MYRIP: variants seen among roughly 807,000 people sequenced by gnomAD.
MYRIP encodes myosin VIIA and Rab interacting protein.
Under a neutral mutation model 98.0 loss-of-function variants are expected in MYRIP, and 49 were observed. That is an observed-to-expected ratio of 0.50 (90% CI 0.40 to 0.63). The LOEUF is 0.63. Ranked by LOEUF, MYRIP falls within the 30% of genes least tolerant of loss-of-function variation. The pLI is 0.00. For missense variants in MYRIP, 1,004 were observed against 1,058.2 expected (o/e 0.95, Z 0.71); for synonymous variants, 404 against 409.5 (o/e 0.99, Z 0.16).
chr3:40,216,489 G>A lies in MYRIP; in HGVS notation c.1905+6396G>A, dbSNP rs751599726. ...ATGTACACCCGTTTCTCCTATAAAC[G>A]GAAATGCCAAAATCCTAAAGAAAAT... On this transcript the variant is annotated intron_variant, in intron 11 of 16. Transcript: ENST00000302541. Among the ~76,000 whole-genome samples the A allele has an allele frequency of 2.6e-5, 4 of 152,058 alleles. No individual in the cohort carries two copies. In the East Asian group the frequency reaches 7.7e-4, roughly 29 times the overall value.
intron 3 of MYRIP, among the ~76,000 whole-genome samples, chr3:40,045,607 C>T (rs2125833718): frequency 6.6e-6 from 1 of 152,258 alleles, no homozygotes; most frequent in East Asian, 1.9e-4. Flanking sequence ...GATTACGTGA[C>T]TTGAATATTG....
At chr3:39,963,877 T>A (rs1468049623) in intron 2 of MYRIP, among the ~76,000 whole-genome samples, 1 of 152,176 alleles carries the variant, frequency 6.6e-6, no homozygotes, top group African/African-American at 2.4e-5. Context: ...TTTGCAAAGA[T>A]CAGCTAAGTT....
At chr3:39,877,387 A>T (rs1943029230) in intron 1 of MYRIP, among the ~76,000 whole-genome samples, 1 of 152,052 alleles carries the variant, frequency 6.6e-6, no homozygotes, top group South Asian at 2.1e-4. Flanking sequence ...GCTGGTGAGG[A>T]ACTGCGTTCC....
rs532479794 is a variant in MYRIP at position 39,907,141 on chromosome 3, A to T, written c.110+6215A>T. Among the ~76,000 whole-genome samples, 48 of 152,292 alleles carry T rather than the reference A, an allele frequency of 3.2e-4. 1 individual carries two copies. The highest frequency in any genetic ancestry group is 1.1e-3 in the African/African-American group (47 of 41,552). On this transcript the variant is annotated intron_variant, in intron 2 of 16. Transcript: ENST00000302541. ...GTGTTGGGCATTTGGTTTAGTGTTC[A>T]TCATCAAAGGCCATGTTCCCTCCTC...
At chr3:40,010,627 C>A (rs1362653224) in intron 2 of MYRIP, among the ~76,000 whole-genome samples, 1 of 152,146 alleles carries the variant, frequency 6.6e-6, no homozygotes, top group South Asian at 2.1e-4. Flanking sequence ...CATGGCCCAC[C>A]TCATTCCAGG....
chr3:40,155,343 A>C (rs1283323737), intron 4 of MYRIP, among the ~76,000 whole-genome samples: 2 of 150,552 alleles, frequency 1.3e-5, no homozygotes, highest in African/African-American at 2.4e-5. Context: ...ATGGCTGCAT[A>C]GTATTCCATG....
intron 3 of MYRIP, among the ~76,000 whole-genome samples, chr3:40,067,074 T>C (rs1042848025): frequency 6.6e-6 from 1 of 152,210 alleles, no homozygotes; most frequent in Admixed American, 6.5e-5. Flanking sequence ...CATAAACCTA[T>C]AATGACTTTT....
chr3:40,077,879 G>C (rs570005567), intron 3 of MYRIP, among the ~76,000 whole-genome samples: 4 of 152,348 alleles, frequency 2.6e-5, no homozygotes, highest in Non-Finnish European at 5.9e-5. Context: ...TGCAGGTGGG[G>C]CTGCAGGTGG....
chr3:39,991,152 A>T (rs12637481), intron 2 of MYRIP, among the ~76,000 whole-genome samples: 15,193 of 152,238 alleles, frequency 0.1, 1,303 homozygotes, highest in African/African-American at 0.23. Context: ...GTATAATAAA[A>T]TAAATAAATA....
intron 2 of MYRIP, among the ~76,000 whole-genome samples, chr3:40,028,134 G>A (rs1947178073): frequency 1.3e-5 from 2 of 152,130 alleles, no homozygotes; most frequent in Admixed American, 6.5e-5. Context: ...CATTGAGCCT[G>A]TGTGTGTCCT....
At chr3:39,925,118 A>G (rs1301083969) in intron 2 of MYRIP, among the ~76,000 whole-genome samples, 1 of 151,728 alleles carries the variant, frequency 6.6e-6, no homozygotes, top group Non-Finnish European at 1.5e-5. Context: ...AACTGAGATC[A>G]TTTAGGTTGT....
chr3:40,070,335 C>T (rs1264585988), intron 3 of MYRIP, among the ~76,000 whole-genome samples: 1 of 152,138 alleles, frequency 6.6e-6, no homozygotes, highest in Non-Finnish European at 1.5e-5. Context: ...AAAAGCGTAA[C>T]TCCACAAGAG....
chr3:40,034,592 T>C (rs1290514660), intron 2 of MYRIP, among the ~76,000 whole-genome samples: 1 of 150,274 alleles, frequency 6.7e-6, no homozygotes, highest in Non-Finnish European at 1.5e-5. Context: ...GGAGAGGATG[T>C]GGAGAAATAG....
chr3:39,984,357 C>G (rs1945975316), intron 2 of MYRIP, among the ~76,000 whole-genome samples: 1 of 152,064 alleles, frequency 6.6e-6, no homozygotes. Flanking sequence ...GGTATATCTC[C>G]CAATGCTGTC....
intron 3 of MYRIP, among the ~76,000 whole-genome samples, chr3:40,143,469 CCT>C (rs1036284933): frequency 8.5e-5 from 13 of 152,078 alleles, no homozygotes; most frequent in Admixed American, 2.6e-4. Flanking sequence ...GTGAGTTTCC[CCT>C]GAGTCATAAG....
intron 2 of MYRIP, among the ~76,000 whole-genome samples, chr3:39,980,600 T>G (rs573284720): frequency 1.2e-4 from 18 of 152,236 alleles, no homozygotes; most frequent in Non-Finnish European, 2.2e-4. Context: ...CAGGGGGATC[T>G]GGTGCCTGCT....
At position 40,151,086 on chromosome 3, in the gene MYRIP, A is replaced by G. The variant is rs1950107892; in HGVS notation, c.371A>G (p.Asn124Ser). Residue 124 changes from asparagine (N) to serine (S), a missense_variant, in exon 4 of 17, where the codon AAT becomes AGT. This residue lies in a region of MYRIP where 880 missense variants were observed against 907.7 expected (regional missense o/e 0.97). Coordinates refer to ENST00000302541, the MANE Select transcript of MYRIP (RefSeq NM_015460.4). ...CAATCTCTGGAATGGTTCTACAATA[A>G]TGTGAAGAGCCGCTTCAAGCGCTTT... ...RAQSLEWFYN[N>S]VKSRFKRFGS... 6.2e-7 allele frequency: 1 copy of G among 1,609,126 alleles called. No homozygotes were observed. Among genetic ancestry groups the G allele is most frequent in the African/African-American group, 1.3e-5 (1 of 74,826 alleles).
At chr3:39,973,026 T>C (rs1945635171) in intron 2 of MYRIP, among the ~76,000 whole-genome samples, 1 of 152,062 alleles carries the variant, frequency 6.6e-6, no homozygotes, top group South Asian at 2.1e-4. Context: ...TTCATATTGA[T>C]TTTTAAAAGA....
chr3:40,116,081 C>A (rs956530953), intron 3 of MYRIP, among the ~76,000 whole-genome samples: 1 of 152,188 alleles, frequency 6.6e-6, no homozygotes, highest in African/African-American at 2.4e-5. Flanking sequence ...TAGAAGCCAG[C>A]TGCAGTGCTC....
Sources: gnomAD v4.1 joint callset for allele counts (sites outside exome capture counted in the v4.1 genomes callset) on GRCh38, gnomAD v4.1.1 for gene constraint, gnomAD v4.1.1 regional missense constraint, MANE v1.5 for transcripts, NCBI Gene and HGNC (gene_info 2026-07-23, HGNC 2026-07-21) for gene names.